The following SLC35F1 variants were observed in gnomAD, a reference collection of about 807,000 sequenced individuals.
SLC35F1 encodes chromosome 6 open reading frame 169.
Under a neutral mutation model 48.7 loss-of-function variants are expected in SLC35F1, and 14 were observed. The observed-to-expected ratio is 0.29, with a 90% CI of 0.19 to 0.45. The LOEUF (loss-of-function observed/expected upper bound fraction) is 0.45. Among genes scored for constraint, SLC35F1 ranks in the 20% least tolerant of loss-of-function variants. The probability of loss-of-function intolerance (pLI) is 1.00; values close to 1 mark genes in which losing one functional copy is unlikely to be tolerated. For missense variants in SLC35F1, 404 were observed against 500.0 expected (o/e 0.81, Z 1.83); for synonymous variants, 190 against 202.2 (o/e 0.94, Z 0.51).
At chr6:118,124,110 C>G (rs1036269361) in intron 1 of SLC35F1, among the ~76,000 whole-genome samples, 1 of 152,118 alleles carries the variant, frequency 6.6e-6, no homozygotes, top group Non-Finnish European at 1.5e-5. Context: ...ATGAAGAACT[C>G]TGGGAGACTG....
intron 2 of SLC35F1, among the ~76,000 whole-genome samples, chr6:118,176,006 T>A (rs748602919): frequency 6.6e-5 from 10 of 152,118 alleles, no homozygotes; most frequent in Non-Finnish European, 1.3e-4. Context: ...ATTTCTTCAA[T>A]GTTAAGTATT....
chr6:118,000,444 T>C (rs1184359345), intron 1 of SLC35F1, among the ~76,000 whole-genome samples: 2 of 152,162 alleles, frequency 1.3e-5, no homozygotes, highest in Non-Finnish European at 2.9e-5. Context: ...TGATGGGACA[T>C]ATCTCAAAAT....
At chr6:117,986,724 A>T (rs1776852857) in intron 1 of SLC35F1, among the ~76,000 whole-genome samples, 1 of 152,188 alleles carries the variant, frequency 6.6e-6, no homozygotes, top group Admixed American at 6.5e-5. Flanking sequence ...ATTTTGAAAG[A>T]TGAGGAATCA....
chr6:118,002,010 A>G (rs9398470), intron 1 of SLC35F1, among the ~76,000 whole-genome samples: 33,846 of 143,574 alleles, frequency 0.24, 3,845 homozygotes, highest in East Asian at 0.29. Context: ...GTGGGACTGT[A>G]AACTAGTTCA....
intron 2 of SLC35F1, among the ~76,000 whole-genome samples, chr6:118,221,344 C>A (rs979001257): frequency 2.6e-5 from 4 of 152,120 alleles, no homozygotes; most frequent in Non-Finnish European, 5.9e-5. Context: ...AAACAGAATG[C>A]CGGGAAATGA....
chr6:118,043,946 C>T (rs761455350), intron 1 of SLC35F1, among the ~76,000 whole-genome samples: 7 of 152,122 alleles, frequency 4.6e-5, no homozygotes, highest in Non-Finnish European at 7.4e-5. Context: ...GTGACCTATT[C>T]CCCTTGGTTT....
chr6:118,176,050 A>G (rs1183680772), intron 2 of SLC35F1, among the ~76,000 whole-genome samples: 1 of 152,050 alleles, frequency 6.6e-6, no homozygotes, highest in African/African-American at 2.4e-5. Flanking sequence ...AATGTATCTC[A>G]TTTTTGGGGA....
chr6:117,968,588 T>C (rs531716243), intron 1 of SLC35F1, among the ~76,000 whole-genome samples: 2 of 152,324 alleles, frequency 1.3e-5, no homozygotes, highest in South Asian at 4.1e-4. Context: ...AGATTTTGTT[T>C]ATTTTTATAC....
intron 1 of SLC35F1, among the ~76,000 whole-genome samples, chr6:118,074,525 G>A (rs762339966): frequency 9.9e-5 from 15 of 152,202 alleles, no homozygotes; most frequent in African/African-American, 4.8e-5. Flanking sequence ...TTGATGATGC[G>A]GTTGTATGAC....
At chr6:118,305,182 C>T (rs1400416956) in intron 7 of SLC35F1, among the ~76,000 whole-genome samples, 4 of 149,648 alleles carry the variant, frequency 2.7e-5, no homozygotes, top group Non-Finnish European at 4.4e-5. Context: ...GAAGACCCAG[C>T]GGGATAGAAA....
intron 1 of SLC35F1, among the ~76,000 whole-genome samples, chr6:118,041,772 T>C (rs1471989390): frequency 3.9e-5 from 6 of 152,012 alleles, no homozygotes; most frequent in African/African-American, 1.2e-4. Flanking sequence ...AGAAACAAGC[T>C]TGGTGTATCA....
At chr6:117,929,381 A>C (rs1394425749) in intron 1 of SLC35F1, among the ~76,000 whole-genome samples, 1 of 151,210 alleles carries the variant, frequency 6.6e-6, no homozygotes. Context: ...AATAGGATCT[A>C]TCTATCTATC....
chr6:118,273,628 T>G (rs982962649), intron 4 of SLC35F1, among the ~76,000 whole-genome samples: 1 of 152,196 alleles, frequency 6.6e-6, no homozygotes, highest in Non-Finnish European at 1.5e-5. Context: ...AGTTGACACA[T>G]AAAAAAGATT....
rs138941363 is a variant in SLC35F1 at position 117,972,622 on chromosome 6, G to A, written c.173+64723G>A. Among the ~76,000 whole-genome samples, 292 of 152,306 alleles carry A rather than the reference G, an allele frequency of 1.9e-3. 2 individuals carry two copies. Among genetic ancestry groups the A allele is most frequent in the Middle Eastern group, 6.8e-3 (2 of 294 alleles). ...GAGCAAAGACACATCTTACATGGTG[G>A]CAGGCAAGAGCGTGTACAGGGGAAC... is the stretch of plus-strand genomic sequence containing the variant. On this transcript the variant is annotated intron_variant, in intron 1 of 7. Transcript: ENST00000360388.
chr6:118,004,882 G>A (rs921253366), intron 1 of SLC35F1, among the ~76,000 whole-genome samples: 2 of 151,936 alleles, frequency 1.3e-5, no homozygotes, highest in Non-Finnish European at 2.9e-5. Context: ...TCTGTTAGGT[G>A]CTAGAGATAG....
chr6:118,102,483 A>G (rs751665619), intron 1 of SLC35F1, among the ~76,000 whole-genome samples: 1 of 152,064 alleles, frequency 6.6e-6, no homozygotes, highest in Non-Finnish European at 1.5e-5. Context: ...GACTGGCCCC[A>G]TTTTTTTAAA....
At chr6:118,176,314 G>T (rs1455651155) in intron 2 of SLC35F1, among the ~76,000 whole-genome samples, 4 of 152,004 alleles carry the variant, frequency 2.6e-5, no homozygotes, top group Non-Finnish European at 2.9e-5. Context: ...GAGACAGAAG[G>T]ACTCACTTCT....
intron 7 of SLC35F1, among the ~76,000 whole-genome samples, chr6:118,294,745 A>C (rs1374193631): frequency 2.0e-5 from 3 of 152,204 alleles, no homozygotes; most frequent in African/African-American, 4.8e-5. Flanking sequence ...TGTTTGAAGA[A>C]TATCTTAGGA....
intron 2 of SLC35F1, among the ~76,000 whole-genome samples, chr6:118,188,874 CT>C (rs887856635): frequency 9.9e-5 from 15 of 151,996 alleles, no homozygotes; most frequent in Non-Finnish European, 1.9e-4. Context: ...TTATTTCTTA[CT>C]TTTTTGAGGA....
Sources: allele counts gnomAD v4.1 joint callset (sites outside exome capture counted in the v4.1 genomes callset), GRCh38; gene constraint gnomAD v4.1.1; transcripts MANE v1.5; gene names NCBI Gene and HGNC (gene_info 2026-07-23, HGNC 2026-07-21).